ITPR3: variants seen among roughly 807,000 people sequenced by gnomAD.
ITPR3 encodes inositol 1,4,5-trisphosphate receptor type 3, also known as inositol 1,4,5-trisphosphate-gated calcium channel ITPR3.
Under a neutral mutation model 293.2 loss-of-function variants are expected in ITPR3, and 173 were observed. The observed-to-expected ratio is 0.59, with a 90% confidence interval of 0.52 to 0.67. The LOEUF (loss-of-function observed/expected upper bound fraction) is 0.67, where lower values mean the gene tolerates loss of function less well. ITPR3 is among the 30% of genes least tolerant of loss of function. The pLI, the probability that ITPR3 is intolerant of heterozygous loss-of-function variation, is 0.00. For missense variants in ITPR3, 2,796 were observed against 3,592.1 expected, an observed-to-expected ratio of 0.78 and a Z score of 5.66; for synonymous variants, 1,295 against 1,444.4, an observed-to-expected ratio of 0.90 and a Z score of 2.35.
chr6:33,685,899 G>T, intron 41 of ITPR3, 72 bp downstream of exon 41: 2 of 1,537,500 alleles, frequency 1.3e-6, no homozygotes, highest in South Asian at 2.5e-5. Flanking sequence ...AGTGTGGCTG[G>T]TGTCCCTCTA....
chr6:33,678,879 G>T (rs760171053), intron 30 of ITPR3, 40 bp downstream of exon 30: 8 of 1,579,170 alleles, frequency 5.1e-6, no homozygotes, highest in South Asian at 2.3e-5. Flanking sequence ...ATCTTGGGGT[G>T]GGGGACCGGA....
chr6:33,668,908 C>T (rs958812781), intron 17 of ITPR3, 66 bp from the exon 18 acceptor site: 28 of 1,526,782 alleles, frequency 1.8e-5, no homozygotes, highest in East Asian at 2.3e-5. Flanking sequence ...CGGGTGTGCT[C>T]AGGGAGGGGT....
Position 33,664,876 on chromosome 6 carries a change from G to A in ITPR3, c.1155G>A (p.Ser385=), listed in dbSNP as rs754950000. The A allele has an allele frequency of 3.7e-6, 6 of 1,613,484 alleles. No individual in the cohort carries two copies. In the African/African-American group the frequency reaches 5.3e-5, roughly 14 times the overall value. ...QKTDSFVPRN[S]YVRLRHLCTN... ...CCCTCCCACCCACCTGCAGGAACTC[G>A]TACGTCCGGCTGCGGCACCTCTGCA... is the stretch of plus-strand genomic sequence containing the variant. Residue 385 remains serine, a synonymous_variant, in exon 12 of 58, where the codon TCG becomes TCA. Coordinates refer to ENST00000605930, the MANE Select transcript of ITPR3 (RefSeq NM_002224.4). The surrounding 1 kb of genome is among the most constrained non-coding windows in gnomAD (Gnocchi z 4.4).
In ITPR3 at chr6:33,693,302, G is replaced by A. The variant is rs750901041; in HGVS notation, c.7625-243G>A. On this transcript the variant is annotated intron_variant, in intron 55 of 57. Coordinates refer to ENST00000605930, the MANE Select transcript of ITPR3 (RefSeq NM_002224.4). ...CTTCCCCTGAGTTCGAGAAATTCTC[G>A]CGTTTACTCCTGGAGTCCTCGGTTG... Among the ~76,000 whole-genome samples the A allele has an allele frequency of 2.6e-5, 4 of 152,288 alleles. No homozygotes were observed. The South Asian group carries it at 6.2e-4, about 24-fold the overall frequency.
Position 33,684,037 on chromosome 6 carries a change from G to T in ITPR3, c.4806G>T (p.Leu1602=). The change falls in exon 36 of 58, where the codon CTG becomes CTT. Residue 1602 remains leucine, a synonymous_variant. Coordinates refer to ENST00000605930, the MANE Select transcript of ITPR3 (RefSeq NM_002224.4). The surrounding 1 kb of genome is among the most constrained non-coding windows in gnomAD (Gnocchi z 4.2). ...IEKLQDIITA[L]EERLKPLVQA... ...CACCCCAGGACATCATCACAGCCCT[G>T]GAGGAGCGGCTGAAGCCCCTGGTAC... 1 of 1,610,150 alleles carries T rather than the reference G, an allele frequency of 6.2e-7. No homozygotes were observed. Among genetic ancestry groups the T allele is most frequent in the African/African-American group, 1.3e-5 (1 of 75,000 alleles).
At chr6:33,629,517 G>C (rs1003602882) in intron 1 of ITPR3, among the ~76,000 whole-genome samples, 9 of 146,186 alleles carry the variant, frequency 6.2e-5, no homozygotes, top group Admixed American at 6.9e-5. Flanking sequence ...TTTCCCTCTT[G>C]TAGCCCAGGC....
At chr6:33,693,438 C>A in intron 55 of ITPR3, 107 bp from the exon 56 acceptor site, 1 of 1,192,192 alleles carries the variant, frequency 8.4e-7, no homozygotes, top group Non-Finnish European at 1.2e-6. Flanking sequence ...AGCGCTCATC[C>A]CGAGAACAAA....
At chr6:33,677,752 CTGTT>C (rs1403811576) in intron 28 of ITPR3, 123 bp downstream of exon 28, 5 of 1,197,896 alleles carry the variant, frequency 4.2e-6, no homozygotes, top group East Asian at 5.0e-5. Flanking sequence ...TTACACTGCC[CTGTT>C]TGTTTGCAGG....
rs779806902 is a variant in ITPR3, at chr6:33,686,088, C to A, written c.5703C>A (p.Tyr1901Ter). 1 of 1,614,078 alleles carries A rather than the reference C, an allele frequency of 6.2e-7. No homozygotes were observed. Among genetic ancestry groups the A allele is most frequent in the Non-Finnish European group, 8.5e-7 (1 of 1,180,060 alleles). ...GCTGTCAGAACAACAAAACCAACTACAACTTGGTATGCGAGACGCTGCAGT... is the reference window on the plus strand; with the variant it reads ...GCTGTCAGAACAACAAAACCAACTAAAACTTGGTATGCGAGACGCTGCAGT... Reference protein sequence around the residue: ...FLRCQNNKTNYNLVCETLQFL... With the variant: ...FLRCQNNKTN The change falls in exon 42 of 58, where the codon TAC (tyrosine) becomes TAA (stop). Residue 1901 changes from tyrosine (Y) to a stop codon, truncating the protein, a stop_gained. Transcript: ENST00000605930. LOFTEE classifies it high-confidence loss of function.
rs1298398123 is a variant in ITPR3 at position 33,633,076 on chromosome 6, G to A, written c.90-7408G>A. Among the ~76,000 whole-genome samples, 4 of 152,222 alleles carry A rather than the reference G, an allele frequency of 2.6e-5. No individual in the cohort carries two copies. The highest frequency in any genetic ancestry group is 5.9e-5 in the Non-Finnish European group (4 of 68,038). On this transcript the variant is annotated intron_variant, in intron 1 of 57. Transcript: ENST00000605930. This position sits in a 1 kb window ranked among gnomAD's most constrained non-coding sequence, Gnocchi z 5.2. The stretch of plus-strand genomic sequence containing the variant: ...CGATTGATAAACTATAGAGTCGCGC[G>A]ATGGAGGGGCAGTTTTTTTGTGATC...
Position 33,672,759 on chromosome 6 carries a change from C to T in ITPR3, c.2928+531C>T, listed in dbSNP as rs1312217352. ...GAAAGTAAAAGCGGGGAGGTAAAAG[C>T]GGGGGCCGGGGGGTGCTTTCCCAAG... is the stretch of plus-strand genomic sequence containing the variant. On this transcript the variant is annotated intron_variant, in intron 22 of 57. Transcript: ENST00000605930. This position sits in a 1 kb window ranked among gnomAD's most constrained non-coding sequence, Gnocchi z 5.0. Among the ~76,000 whole-genome samples the T allele has an allele frequency of 4.6e-5, 7 of 151,920 alleles. No homozygotes were observed. The highest frequency in any genetic ancestry group is 7.4e-5 in the Non-Finnish European group (5 of 67,970).
At chr6:33,681,071 G>A (rs923631483) in intron 33 of ITPR3, among the ~76,000 whole-genome samples, 8 of 152,022 alleles carry the variant, frequency 5.3e-5, no homozygotes, top group African/African-American at 9.7e-5. Context: ...CGCCCACCTC[G>A]GCTTCCCAAA....
At position 33,677,131 on chromosome 6, in the gene ITPR3, A is replaced by G. The variant is rs776952767; in HGVS notation, c.3522+42A>G. 3.8e-6 allele frequency: 6 copies of G among 1,581,610 alleles called. No homozygotes were observed. In the South Asian group the frequency reaches 6.6e-5, roughly 18 times the overall value. On this transcript the variant is annotated intron_variant, in intron 27 of 57. Coordinates refer to ENST00000605930, the MANE Select transcript of ITPR3 (RefSeq NM_002224.4). ...CCTCGGGGTAGGGATCTGCAGCCCC[A>G]GTGGTCCTGGGGGCTCCCGCTGGCC...
At chr6:33,695,349 G>A (rs1409148129) in intron 57 of ITPR3, 2 of 562,814 alleles carry the variant, frequency 3.6e-6, no homozygotes, top group African/African-American at 3.8e-5. Flanking sequence ...CCCTTCCTCT[G>A]ACAGCTGCCA....
Position 33,682,534 on chromosome 6 carries a change from C to T in ITPR3, c.4487C>T (p.Thr1496Met), listed in dbSNP as rs527977339. ...ENSTSLQTHQTIVVQLLQSTT... is the reference protein window; with the variant it reads ...ENSTSLQTHQMIVVQLLQSTT... Reference sequence around the variant, plus strand: ...TGTGACTTCTTGCAGACACACCAGACGATTGTGGTGCAGCTGCTGCAGTCT... The same window carrying T: ...TGTGACTTCTTGCAGACACACCAGATGATTGTGGTGCAGCTGCTGCAGTCT... Residue 1496 changes from threonine to methionine, a missense_variant, in exon 34 of 58, where the codon ACG becomes ATG. Physicochemically the swap from Thr to Met is moderately conservative, Grantham distance 81 (BLOSUM62 -1). Around this residue, in one of 8 missense-constraint regions of ITPR3, gnomAD observed 704 missense variants for 797.5 expected, o/e 0.88. Coordinates refer to ENST00000605930, the MANE Select transcript of ITPR3 (RefSeq NM_002224.4). This position sits in a 1 kb window ranked among gnomAD's most constrained non-coding sequence, Gnocchi z 5.4. 26 of 1,542,598 alleles carry T rather than the reference C, an allele frequency of 1.7e-5. 1 individual carries two copies. The highest frequency in any genetic ancestry group is 4.0e-5 in the Admixed American group (2 of 49,942).
rs1436853154 is a variant in ITPR3, at chr6:33,633,760, G to A, written c.90-6724G>A. Among the ~76,000 whole-genome samples the A allele has an allele frequency of 1.9e-4, 27 of 145,412 alleles. No homozygotes were observed. Among genetic ancestry groups the A allele is most frequent in the African/African-American group, 6.6e-4 (27 of 40,662 alleles). ...TTCGCTTCGCCGCGGGGGCGGGGGC[G>A]GGGCCGGGGCCGGGGCCGGACGCCC... On this transcript the variant is annotated intron_variant, in intron 1 of 57. Coordinates refer to ENST00000605930, the MANE Select transcript of ITPR3 (RefSeq NM_002224.4). This position sits in a 1 kb window ranked among gnomAD's most constrained non-coding sequence, Gnocchi z 5.2.
intron 51 of ITPR3, among the ~76,000 whole-genome samples, chr6:33,690,649 A>C (rs930965438): frequency 1.3e-5 from 2 of 152,232 alleles, no homozygotes; most frequent in Non-Finnish European, 2.9e-5. Context: ...GTACATTTTA[A>C]GAGTTGGCTG....
intron 13 of ITPR3, 97 bp downstream of exon 13, chr6:33,665,310 C>T (rs1461320138): frequency 1.3e-6 from 2 of 1,486,866 alleles, no homozygotes; most frequent in East Asian, 2.3e-5. Flanking sequence ...GCTGGGCAAA[C>T]TGGGGAGAGA....
rs1207013885 is a variant in ITPR3 at position 33,670,680 on chromosome 6, C to T, written c.2451C>T (p.Ser817=). Residue 817 remains serine, a synonymous_variant, in exon 20 of 58, where the codon TCC becomes TCT. Coordinates refer to ENST00000605930, the MANE Select transcript of ITPR3 (RefSeq NM_002224.4). The surrounding 1 kb of genome is among the most constrained non-coding windows in gnomAD (Gnocchi z 6.7). ...PTAITIKDYD[S]NLNASRDDKK... is the part of the protein sequence containing the mutation. ...TGGCCTCCACCCTCAGCTATGATTC[C>T]AACCTCAACGCGTCCCGAGATGACA... 1.2e-6 allele frequency: 2 copies of T among 1,613,994 alleles called. No individual in the cohort carries two copies. The highest frequency in any genetic ancestry group is 1.7e-5 in the Admixed American group (1 of 60,004).
Sources: gnomAD v4.1 joint callset for allele counts (sites outside exome capture counted in the v4.1 genomes callset) on GRCh38, gnomAD v4.1.1 for gene constraint, gnomAD v4.1.1 regional missense constraint, Gnocchi (gnomAD v3.1) non-coding constraint, MANE v1.5 for transcripts, NCBI Gene and HGNC (gene_info 2026-07-23, HGNC 2026-07-21) for gene names.